GLDN: variants seen among roughly 807,000 people sequenced by gnomAD.
GLDN encodes the protein gliomedin.
In GLDN, 47 loss-of-function variants were observed where a neutral mutation model predicts 56.5. The observed-to-expected ratio is 0.83, with a 90% CI of 0.66 to 1.06. GLDN has a LOEUF of 1.06. Among genes scored for constraint, GLDN ranks in the 50% least tolerant of loss-of-function variants. The probability of loss-of-function intolerance (pLI) is 0.00; values close to 1 mark genes in which losing one functional copy is unlikely to be tolerated. For missense variants in GLDN, 782 were observed against 714.3 expected (o/e 1.09, Z -1.08); for synonymous variants, 332 against 278.8 (o/e 1.19, Z -1.90).
At chr15:51,396,153 C>T (rs984727877) in intron 5 of GLDN, among the ~76,000 whole-genome samples, 1 of 152,198 alleles carries the variant, frequency 6.6e-6, no homozygotes, top group African/African-American at 2.4e-5. Flanking sequence ...ACCTGGCAAC[C>T]TTAACTTAAC....
At position 51,406,382 on chromosome 15, in the gene GLDN, C is replaced by A. The variant is rs781701833; in HGVS notation, c.*1628C>A. 3 of 152,208 alleles carry A rather than the reference C, an allele frequency of 2.0e-5. No individual in the cohort carries two copies. The highest frequency in any genetic ancestry group is 4.4e-5 in the Non-Finnish European group (3 of 68,042). The allele number at this position is 152,208 out of a possible 1,614,324, so 9.4% of individuals were successfully genotyped here. ...GGGCTCTGCAGCCAGGAAGGGGAAC[C>A]AGGGCAAATCTTATGTAAAGATTTT... On this transcript the variant is annotated 3_prime_UTR_variant, in exon 10 of 10. Coordinates refer to ENST00000335449, the MANE Select transcript of GLDN (RefSeq NM_181789.4).
intron 2 of GLDN, among the ~76,000 whole-genome samples, chr15:51,381,842 T>C (rs1232399271): frequency 2.0e-5 from 3 of 151,978 alleles, no homozygotes; most frequent in Admixed American, 1.3e-4. Flanking sequence ...TCTCGTCTTG[T>C]TGCACCTAGT....
rs779604065 is a variant in GLDN, at chr15:51,341,897, G to T, written c.213G>T (p.Glu71Asp). The T allele has an allele frequency of 1.1e-5, 17 of 1,588,398 alleles. 1 individual carries two copies. The South Asian group carries it at 1.9e-4, about 18-fold the overall frequency. Residue 71 changes from glutamate (E) to aspartate (D), a missense_variant, in exon 1 of 10, where the codon GAG becomes GAT. Coordinates refer to ENST00000335449, the MANE Select transcript of GLDN (RefSeq NM_181789.4). ...EDSALRSFLA[E>D]LSRAPRGASA... is the part of the protein sequence containing the mutation. ...GTGCCCTGCGCTCCTTCCTGGCCGA[G>T]TTGAGCCGCGCGCCGCGCGGGGCGT...
intron 2 of GLDN, among the ~76,000 whole-genome samples, chr15:51,379,794 A>C (rs912667024): frequency 6.6e-6 from 1 of 152,222 alleles, no homozygotes; most frequent in East Asian, 1.9e-4. Context: ...CATAATTTGC[A>C]GGGCCCAGTG....
chr15:51,349,982 A>G (rs2037047003), intron 1 of GLDN, among the ~76,000 whole-genome samples: 1 of 152,022 alleles, frequency 6.6e-6, no homozygotes, highest in Non-Finnish European at 1.5e-5. Flanking sequence ...TGACCTCGTG[A>G]TCTGCCCGCC....
intron 1 of GLDN, chr15:51,368,949 T>C (rs773367446): frequency 6.6e-6 from 1 of 152,198 alleles, no homozygotes; most frequent in Non-Finnish European, 1.5e-5. Flanking sequence ...CTATGAGTAA[T>C]TGGCCTTGGG....
At chr15:51,364,271 C>T (rs938365950) in intron 1 of GLDN, among the ~76,000 whole-genome samples, 19 of 152,314 alleles carry the variant, frequency 1.2e-4, no homozygotes, top group African/African-American at 4.6e-4. Flanking sequence ...AAAAGCATTT[C>T]TTCTCCATGT....
chr15:51,401,684 G>C lies in GLDN; in HGVS notation c.1119G>C (p.Gly373=), dbSNP rs2038254302. Residue 373 remains glycine, a synonymous_variant, in exon 9 of 10, where the codon GGG becomes GGC. Coordinates refer to ENST00000335449, the MANE Select transcript of GLDN (RefSeq NM_181789.4). ...IHLPYYFHGC[G]HVVYNNSLYY... ...TTCCATACTATTTCCATGGCTGTGG[G>C]CACGTTGTTTACAACAACTCTCTCT... is the stretch of plus-strand genomic sequence containing the variant. The C allele has an allele frequency of 1.9e-6, 3 of 1,614,138 alleles. No homozygotes were observed. Among genetic ancestry groups the C allele is most frequent in the Non-Finnish European group, 2.5e-6 (3 of 1,179,974 alleles).
intron 4 of GLDN, among the ~76,000 whole-genome samples, chr15:51,392,214 A>G (rs2470179): frequency 0.32 from 48,188 of 152,124 alleles, 8,513 homozygotes; most frequent in Non-Finnish European, 0.4. Flanking sequence ...CCCCAGACCC[A>G]TATCGGTCCA....
intron 1 of GLDN, among the ~76,000 whole-genome samples, chr15:51,365,225 A>T (rs77881711): frequency 0.014 from 2,195 of 152,306 alleles, 51 homozygotes; most frequent in African/African-American, 0.05. Flanking sequence ...AGTAATTTTT[A>T]AAAAATATGT....
intron 1 of GLDN, among the ~76,000 whole-genome samples, chr15:51,342,504 A>G (rs1389041935): frequency 6.6e-6 from 1 of 152,140 alleles, no homozygotes; most frequent in East Asian, 1.9e-4. Context: ...TTTCCCTGGC[A>G]TCAACTAGTG....
chr15:51,358,866 C>G (rs1451830801), intron 1 of GLDN, among the ~76,000 whole-genome samples: 1 of 152,214 alleles, frequency 6.6e-6, no homozygotes, highest in Non-Finnish European at 1.5e-5. Context: ...AGGGAAGTAA[C>G]TATAATACCG....
At chr15:51,373,271 C>T (rs2037552819) in intron 1 of GLDN, among the ~76,000 whole-genome samples, 1 of 152,140 alleles carries the variant, frequency 6.6e-6, no homozygotes, top group Admixed American at 6.5e-5. Flanking sequence ...CTGTGAATAC[C>T]AAAATCCGCA....
intron 1 of GLDN, among the ~76,000 whole-genome samples, chr15:51,363,546 C>T (rs2037343947): frequency 6.6e-6 from 1 of 152,220 alleles, no homozygotes; most frequent in Admixed American, 6.5e-5. Flanking sequence ...TGTGGGTGCA[C>T]ACTGTGGGTG....
At chr15:51,412,063 C>G (rs1166416195), downstream of GLDN, among the ~76,000 whole-genome samples, 1 of 152,218 alleles carries the variant, frequency 6.6e-6, no homozygotes, top group Non-Finnish European at 1.5e-5. Flanking sequence ...GAGTGCTGAC[C>G]ATGTGCCAGG....
At chr15:51,408,994 G>A (rs552313386), downstream of GLDN, among the ~76,000 whole-genome samples, 12 of 150,492 alleles carry the variant, frequency 8.0e-5, no homozygotes, top group East Asian at 4.0e-4. Flanking sequence ...ATAAACATAC[G>A]TGTGCTTATT....
At chr15:51,353,132 A>G (rs2037106150) in intron 1 of GLDN, among the ~76,000 whole-genome samples, 2 of 152,214 alleles carry the variant, frequency 1.3e-5, no homozygotes, top group Admixed American at 6.5e-5. Flanking sequence ...AAACTGGTTC[A>G]TCTGTCTTGT....
intron 6 of GLDN, among the ~76,000 whole-genome samples, chr15:51,398,285 G>A (rs962129052): frequency 6.6e-6 from 1 of 152,232 alleles, no homozygotes; most frequent in Non-Finnish European, 1.5e-5. Context: ...CCAACCAAGA[G>A]CAAGGAATAC....
chr15:51,358,953 A>G (rs2446415), intron 1 of GLDN, among the ~76,000 whole-genome samples: 4,438 of 152,218 alleles, frequency 0.029, 105 homozygotes, highest in South Asian at 0.1. Context: ...TTTTCTCACT[A>G]GGGGATAACC....
Sources: gnomAD v4.1 joint callset for allele counts (sites outside exome capture counted in the v4.1 genomes callset) on GRCh38, gnomAD v4.1.1 for gene constraint, MANE v1.5 for transcripts, NCBI Gene and HGNC (gene_info 2026-07-23, HGNC 2026-07-21) for gene names.